AMPD3: variants seen among roughly 807,000 people sequenced by gnomAD.
AMPD3 encodes adenosine monophosphate deaminase 3.
A neutral mutation model predicts 82.3 loss-of-function variants in AMPD3; 57 were observed. The ratio of observed to expected loss-of-function variants is 0.69; its 90% confidence interval spans 0.56 to 0.86. The LOEUF (loss-of-function observed/expected upper bound fraction) is 0.86. Ranked by LOEUF, AMPD3 falls within the 40% of genes least tolerant of loss-of-function variation. The pLI is 0.00. For synonymous variants in AMPD3, 381 were observed against 394.7 expected, an observed-to-expected ratio of 0.97 and a Z score of 0.41; for missense variants, 870 against 1,003.8, an observed-to-expected ratio of 0.87 and a Z score of 1.80.
chr11:10,487,328 G>A lies in AMPD3; in HGVS notation c.903G>A (p.Lys301=). Residue 301 remains lysine, a synonymous_variant, in exon 6 of 15, where the codon AAG becomes AAA. Coordinates refer to ENST00000396553, the MANE Select transcript of AMPD3 (RefSeq NM_001025389.2). ...AAATGTCCGAGTTCAAAGAGTTGAA[G>A]AGTAACCCCCACCGGGACTTCTATA... ...LNEMSEFKEL[K]SNPHRDFYNV... 3.7e-6 allele frequency: 6 copies of A among 1,614,152 alleles called. No homozygotes were observed. Among genetic ancestry groups the A allele is most frequent in the Non-Finnish European group, 5.1e-6 (6 of 1,180,024 alleles).
chr11:10,464,324 T>C (rs1010786915), intron 2 of AMPD3, among the ~76,000 whole-genome samples: 5 of 152,224 alleles, frequency 3.3e-5, no homozygotes, highest in South Asian at 2.1e-4. Flanking sequence ...TTCTTAGTAT[T>C]CTGATTTTGC....
At chr11:10,457,296 C>A (rs746841988) in intron 1 of AMPD3, among the ~76,000 whole-genome samples, 1 of 151,980 alleles carries the variant, frequency 6.6e-6, no homozygotes, top group Non-Finnish European at 1.5e-5. Context: ...AATTATCTAC[C>A]AACTATTTAA....
chr11:10,490,060 G>A (rs558757535), intron 6 of AMPD3, among the ~76,000 whole-genome samples: 2 of 152,274 alleles, frequency 1.3e-5, no homozygotes, highest in East Asian at 1.9e-4. Context: ...GATGGCCTCC[G>A]TATGTCTAAA....
intron 12 of AMPD3, chr11:10,502,196 G>A (rs964184295): frequency 8.1e-6 from 8 of 985,338 alleles, no homozygotes; most frequent in Non-Finnish European, 9.6e-6. Flanking sequence ...CCGGTGAGGT[G>A]TAACCATGGG....
rs1419041622 is a variant in AMPD3, at chr11:10,506,503, C to T, written c.*619C>T. ...CTATTCTGAGTCTTGGTTTCTTCAC[C>T]TAGAAAGTGAGGGTTTGGACTAGAT... On this transcript the variant is annotated 3_prime_UTR_variant, in exon 15 of 15. Coordinates refer to ENST00000396553, the MANE Select transcript of AMPD3 (RefSeq NM_001025389.2). The surrounding 1 kb of genome is among the most constrained non-coding windows in gnomAD (Gnocchi z 4.1). 6.3e-6 allele frequency: 1 copy of T among 158,984 alleles called. No individual in the cohort carries two copies. Among genetic ancestry groups the T allele is most frequent in the African/African-American group, 2.4e-5 (1 of 41,360 alleles). 9.8% of individuals were successfully genotyped at this position (158,984 alleles called of 1,614,324 possible).
intron 11 of AMPD3, chr11:10,500,730 A>G (rs542194550): frequency 1.0e-4 from 101 of 985,398 alleles, no homozygotes; most frequent in Middle Eastern, 5.2e-4. Flanking sequence ...GGCACTGGAC[A>G]AATAACGGGG....
At chr11:10,495,330 G>A in intron 8 of AMPD3, 2 of 985,478 alleles carry the variant, frequency 2.0e-6, no homozygotes, top group Non-Finnish European at 2.4e-6. Context: ...TGAGCTCCGT[G>A]TGGAGATGCT....
chr11:10,472,459 T>A (rs532317489), intron 2 of AMPD3, among the ~76,000 whole-genome samples: 1 of 151,670 alleles, frequency 6.6e-6, no homozygotes, highest in Admixed American at 6.6e-5. Flanking sequence ...AAGAAAAAAA[T>A]TAGGATATAG....
In AMPD3 at chr11:10,493,358, C is replaced by T. The variant is rs1849295091; in HGVS notation, c.949C>T (p.His317Tyr). 1 of 1,614,040 alleles carries T rather than the reference C, an allele frequency of 6.2e-7. No homozygotes were observed. Among genetic ancestry groups the T allele is most frequent in the African/African-American group, 1.3e-5 (1 of 74,928 alleles). ...DFYNVRKVDT[H>Y]IHAAACMNQK... ...GGGCGCTGTGTTCCAGGTGGACACA[C>T]ACATCCATGCGGCCGCCTGCATGAA... Residue 317 changes from histidine to tyrosine, a missense_variant, in exon 7 of 15, where the codon CAC (histidine) becomes TAC (tyrosine). Coordinates refer to ENST00000396553, the MANE Select transcript of AMPD3 (RefSeq NM_001025389.2).
At chr11:10,472,235 T>C (rs1253786526) in intron 2 of AMPD3, among the ~76,000 whole-genome samples, 2 of 151,180 alleles carry the variant, frequency 1.3e-5, no homozygotes, top group Non-Finnish European at 3.0e-5. Flanking sequence ...TAAGTAGGAG[T>C]TGAACAATGA....
intron 6 of AMPD3, 96 bp from the exon 7 acceptor site, chr11:10,493,253 G>C: frequency 7.0e-7 from 1 of 1,431,438 alleles, no homozygotes; most frequent in Admixed American, 1.7e-5. Flanking sequence ...GGCCCATGAG[G>C]TGCTGGGGTT....
Position 10,506,132 on chromosome 11 carries a change from C to A in AMPD3, c.*248C>A. 3 of 527,606 alleles carry A rather than the reference C, an allele frequency of 5.7e-6. No individual in the cohort carries two copies. Among genetic ancestry groups the A allele is most frequent in the Non-Finnish European group, 1.0e-5 (3 of 292,628 alleles). 32.7% of individuals were successfully genotyped at this position (527,606 alleles called of 1,614,324 possible). A position where few individuals can be genotyped will look rare whatever the true frequency, so the allele number is the denominator to read the frequency against. ...AGCTGAGCACTTGTCTATACTTGTTCCTAATTTTCCAAGTATTTCTCTTGA... is the reference window on the plus strand; with the variant it reads ...AGCTGAGCACTTGTCTATACTTGTTACTAATTTTCCAAGTATTTCTCTTGA... On this transcript the variant is annotated 3_prime_UTR_variant, in exon 15 of 15. Transcript: ENST00000396553. This position sits in a 1 kb window ranked among gnomAD's most constrained non-coding sequence, Gnocchi z 4.1.
Position 10,505,944 on chromosome 11 carries a change from T to C in AMPD3, c.*60T>C, listed in dbSNP as rs1849705966. 2.4e-5 allele frequency: 38 copies of C among 1,594,784 alleles called. No homozygotes were observed. In the South Asian group the frequency reaches 3.1e-4, roughly 13 times the overall value. On this transcript the variant is annotated 3_prime_UTR_variant, in exon 15 of 15. Transcript: ENST00000396553. ...TCAATTTCAAGTCTGCTGTGGCTAATAGTGGTCAAGATTCCGAACTAGGAC... is the reference window on the plus strand; with the variant it reads ...TCAATTTCAAGTCTGCTGTGGCTAACAGTGGTCAAGATTCCGAACTAGGAC...
At chr11:10,472,298 T>G in intron 2 of AMPD3, among the ~76,000 whole-genome samples, 2 of 147,186 alleles carry the variant, frequency 1.4e-5, no homozygotes, top group Middle Eastern at 3.5e-3. Flanking sequence ...TGTTGGGGGG[T>G]GAGGGGCTAG....
intron 7 of AMPD3, among the ~76,000 whole-genome samples, chr11:10,494,132 C>T (rs1000981787): frequency 2.0e-5 from 3 of 152,108 alleles, no homozygotes; most frequent in African/African-American, 7.2e-5. Flanking sequence ...ATCCATACAA[C>T]GGAATATCAT....
chr11:10,493,244 G>C, intron 6 of AMPD3, 105 bp from the exon 7 acceptor site: 5 of 1,335,248 alleles, frequency 3.7e-6, no homozygotes, highest in Non-Finnish European at 5.3e-6. Flanking sequence ...TGCCCGGATG[G>C]CCCATGAGGT....
intron 10 of AMPD3, chr11:10,499,688 C>T (rs1849521466): frequency 3.0e-6 from 3 of 985,246 alleles, no homozygotes; most frequent in Non-Finnish European, 2.4e-6. Context: ...GGACCCTTTT[C>T]CCTCATCGCT....
At position 10,484,657 on chromosome 11, in the gene AMPD3, G is replaced by A. The variant is rs1849010741; in HGVS notation, c.590-163G>A. 7.6e-6 allele frequency: 5 copies of A among 658,274 alleles called. No homozygotes were observed. In the South Asian group the frequency reaches 2.0e-4, roughly 27 times the overall value. The allele number at this position is 658,274 out of a possible 1,614,324, so 40.8% of individuals were successfully genotyped here. On this transcript the variant is annotated intron_variant, in intron 4 of 14. Coordinates refer to ENST00000396553, the MANE Select transcript of AMPD3 (RefSeq NM_001025389.2). The stretch of plus-strand genomic sequence containing the variant: ...GTGACATGGTTTGACATGGTGGTAA[G>A]TGCTGACGAGACAAAAGGAAGCAGG...
chr11:10,482,340 T>C, intron 4 of AMPD3, 115 bp downstream of exon 4: 1 of 1,188,124 alleles, frequency 8.4e-7, no homozygotes, highest in East Asian at 2.5e-5. Flanking sequence ...GACAATGTTC[T>C]TTCATTGGCT....
Sources: gnomAD v4.1 joint callset for allele counts (sites outside exome capture counted in the v4.1 genomes callset) on GRCh38, gnomAD v4.1.1 for gene constraint, Gnocchi (gnomAD v3.1) non-coding constraint, MANE v1.5 for transcripts, NCBI Gene and HGNC (gene_info 2026-07-23, HGNC 2026-07-21) for gene names.